The following RALGPS1 variants were observed in gnomAD, a reference collection of about 807,000 sequenced individuals.
RALGPS1 encodes the protein Ral GEF with PH domain and SH3 binding motif 1, also known as ras-specific guanine nucleotide-releasing factor RalGPS1.
Under a neutral mutation model 78.8 loss-of-function variants are expected in RALGPS1, and 19 were observed. The observed-to-expected ratio is 0.24, with a 90% CI of 0.17 to 0.35. The LOEUF (loss-of-function observed/expected upper bound fraction) is 0.35, where lower values mean the gene tolerates loss of function less well. Among genes scored for constraint, RALGPS1 ranks in the 10% least tolerant of loss-of-function variants. The pLI, the probability that RALGPS1 is intolerant of heterozygous loss-of-function variation, is 1.00. For missense variants in RALGPS1, 454 were observed against 688.3 expected, an observed-to-expected ratio of 0.66 and a Z score of 3.81; for synonymous variants, 228 against 256.3, an observed-to-expected ratio of 0.89 and a Z score of 1.06.
chr9:127,155,609 G>A (rs1225635864), intron 8 of RALGPS1, among the ~76,000 whole-genome samples: 1 of 152,182 alleles, frequency 6.6e-6, no homozygotes, highest in Non-Finnish European at 1.5e-5. Context: ...GGGATAGAAA[G>A]CCACTGGGTA....
intron 8 of RALGPS1, chr9:127,106,993 G>T (rs906460881): frequency 2.0e-5 from 3 of 152,254 alleles, no homozygotes; most frequent in Non-Finnish European, 2.9e-5. Flanking sequence ...CACTGGGAAG[G>T]CTCAGGTGTT....
rs184940251 is a variant in RALGPS1, at chr9:127,049,438, C to T, written c.301-605C>T. Among the ~76,000 whole-genome samples the T allele has an allele frequency of 1.0e-3, 158 of 152,202 alleles. 2 individuals carry two copies. The East Asian group carries it at 0.024, about 24-fold the overall frequency. On this transcript the variant is annotated intron_variant, in intron 5 of 18. Transcript: ENST00000259351. ...TACCCTTTTTGGTGCATGCTGTCTC[C>T]GGGAAAACATGCCCTGTAACATGCA... is the stretch of plus-strand genomic sequence containing the variant.
At chr9:126,942,588 T>C (rs1216754184) in intron 1 of RALGPS1, among the ~76,000 whole-genome samples, 1 of 152,252 alleles carries the variant, frequency 6.6e-6, no homozygotes, top group East Asian at 1.9e-4. Context: ...TCTCTGTTTC[T>C]TTGCCATTTA....
intron 8 of RALGPS1, among the ~76,000 whole-genome samples, chr9:127,076,392 AG>A (rs1387628102): frequency 6.6e-6 from 1 of 152,262 alleles, no homozygotes; most frequent in Non-Finnish European, 1.5e-5. Flanking sequence ...AACAAAAATT[AG>A]GTATTCTAAC....
At chr9:126,929,243 T>G (rs1163762622) in intron 1 of RALGPS1, among the ~76,000 whole-genome samples, 1 of 152,050 alleles carries the variant, frequency 6.6e-6, no homozygotes, top group Non-Finnish European at 1.5e-5. Flanking sequence ...ACTGGCAAAA[T>G]TACTGGAACA....
Position 127,219,085 on chromosome 9 carries a change from AG to A in RALGPS1, c.*317del, listed in dbSNP as rs1250825442. On this transcript the variant is annotated 3_prime_UTR_variant, in exon 19 of 19. Transcript: ENST00000259351. The surrounding 1 kb of genome is among the most constrained non-coding windows in gnomAD (Gnocchi z 5.0). ...AGCACCCGGCCCACGTTGGGTTCTC[AG>A]TGCTTTCTACTGCACAGAGTGGACA... 1.1e-4 allele frequency: 47 copies of A among 443,800 alleles called. No homozygotes were observed. The highest frequency in any genetic ancestry group is 6.5e-4 in the Middle Eastern group (1 of 1,542). The allele number at this position is 443,800 out of a possible 1,614,324, so 27.5% of individuals were successfully genotyped here.
chr9:126,924,058 C>T (rs2035029617), intron 1 of RALGPS1, among the ~76,000 whole-genome samples: 2 of 152,162 alleles, frequency 1.3e-5, no homozygotes, highest in Admixed American at 6.6e-5. Context: ...TTCCACTTTC[C>T]AGATGAGGAT....
rs1008053820 is a variant in RALGPS1, at chr9:127,209,079, G to A, written c.1248-3052G>A. Among the ~76,000 whole-genome samples, 6 of 152,356 alleles carry A rather than the reference G, an allele frequency of 3.9e-5. 1 individual carries two copies. Among genetic ancestry groups the A allele is most frequent in the Admixed American group, 3.3e-4 (5 of 15,306 alleles). On this transcript the variant is annotated intron_variant, in intron 14 of 18. Transcript: ENST00000259351. ...AGCTCAGAGCTGGAATCCAGCCCAG[G>A]TGAGGAGGAAACATCCCTGGATAGC...
At chr9:126,938,042 A>G (rs2036421614) in intron 1 of RALGPS1, among the ~76,000 whole-genome samples, 1 of 152,206 alleles carries the variant, frequency 6.6e-6, no homozygotes, top group African/African-American at 2.4e-5. Context: ...GAAGATACCT[A>G]ATGTTAAAAT....
chr9:127,073,776 A>G (rs888564053), intron 8 of RALGPS1, among the ~76,000 whole-genome samples: 2 of 152,096 alleles, frequency 1.3e-5, no homozygotes, highest in African/African-American at 2.4e-5. Context: ...TCTTTTTAAT[A>G]ATAACCATTG....
rs2054625220 is a variant in RALGPS1, at chr9:127,109,918, G to A, written c.610+40562G>A. Among the ~76,000 whole-genome samples the A allele has an allele frequency of 2.6e-5, 4 of 152,214 alleles. No homozygotes were observed. The South Asian group carries it at 8.3e-4, about 32-fold the overall frequency. ...TAGGAGTTAAATGGGCCAAGAGGGA[G>A]GGGAGGACACGTGCTAGATCCCTTC... On this transcript the variant is annotated intron_variant, in intron 8 of 18. Transcript: ENST00000259351.
chr9:127,013,912 T>TTC (rs2044587826), intron 4 of RALGPS1, among the ~76,000 whole-genome samples: 1 of 152,200 alleles, frequency 6.6e-6, no homozygotes, highest in East Asian at 1.9e-4. Context: ...AAGCCAGTCC[T>TTC]TCTTATACAC....
At chr9:127,138,106 C>T (rs1255705860) in intron 8 of RALGPS1, among the ~76,000 whole-genome samples, 1 of 152,192 alleles carries the variant, frequency 6.6e-6, no homozygotes, top group East Asian at 1.9e-4. Flanking sequence ...TGCAGGGATG[C>T]TGTAGGCCAC....
rs1481786715 is a variant in RALGPS1 at position 126,944,068 on chromosome 9, G to T, written c.-65-18157G>T. Among the ~76,000 whole-genome samples, 2 of 152,224 alleles carry T rather than the reference G, an allele frequency of 1.3e-5. 1 individual carries two copies. Among genetic ancestry groups the T allele is most frequent in the Non-Finnish European group, 2.9e-5 (2 of 68,042 alleles). On this transcript the variant is annotated intron_variant, in intron 1 of 18. Transcript: ENST00000259351. ...GGTAATGGGCTCGCAGCCCATGGGGGCCTCCCACTTGCCTGAACTTGATCT... is the reference window on the plus strand; with the variant it reads ...GGTAATGGGCTCGCAGCCCATGGGGTCCTCCCACTTGCCTGAACTTGATCT...
intron 7 of RALGPS1, among the ~76,000 whole-genome samples, chr9:127,062,927 ACTGATTCCATAC>A (rs1243079232): frequency 6.6e-6 from 1 of 152,192 alleles, no homozygotes; most frequent in Non-Finnish European, 1.5e-5. Flanking sequence ...TCATTTCCTT[ACTGATTCCATAC>A]CTTAGTCTGC....
intron 8 of RALGPS1, among the ~76,000 whole-genome samples, chr9:127,080,356 AC>A (rs1357449522): frequency 1.3e-5 from 2 of 152,232 alleles, no homozygotes; most frequent in African/African-American, 4.8e-5. Context: ...AAAATTATTC[AC>A]ACTGAAAAGA....
chr9:127,199,597 C>T (rs987943073), intron 14 of RALGPS1, among the ~76,000 whole-genome samples: 1 of 151,614 alleles, frequency 6.6e-6, no homozygotes, highest in Non-Finnish European at 1.5e-5. Flanking sequence ...CTGCCTCCCT[C>T]GAGGATCCCT....
chr9:126,979,495 T>C (rs1369256543), intron 4 of RALGPS1, among the ~76,000 whole-genome samples: 1 of 152,236 alleles, frequency 6.6e-6, no homozygotes, highest in Non-Finnish European at 1.5e-5. Flanking sequence ...TTATGTTCTC[T>C]GCTTAGCTCT....
intron 1 of RALGPS1, among the ~76,000 whole-genome samples, chr9:126,924,394 CA>C (rs1321431759): frequency 6.6e-6 from 1 of 152,174 alleles, no homozygotes; most frequent in African/African-American, 2.4e-5. Flanking sequence ...ATAATCATTT[CA>C]GGGGGTTCTT....
Sources: allele counts gnomAD v4.1 joint callset (sites outside exome capture counted in the v4.1 genomes callset), GRCh38; gene constraint gnomAD v4.1.1; non-coding constraint Gnocchi (gnomAD v3.1); transcripts MANE v1.5; gene names NCBI Gene and HGNC (gene_info 2026-07-23, HGNC 2026-07-21).